CSMD1: variants seen among roughly 807,000 people sequenced by gnomAD.
CSMD1 encodes the protein CUB and sushi domain-containing protein 1.
Under a neutral mutation model 417.5 loss-of-function variants are expected in CSMD1, and 213 were observed. The observed-to-expected ratio is 0.51, with a 90% confidence interval of 0.46 to 0.57. The LOEUF is 0.57. Among genes scored for constraint, CSMD1 ranks in the 20% least tolerant of loss-of-function variants. The pLI is 0.00. For missense variants in CSMD1, 6,923 were observed against 4,529.7 expected (o/e 1.53, Z -15.17); for synonymous variants, 2,862 against 1,736.8 (o/e 1.65, Z -16.11).
intron 1 of CSMD1, among the ~76,000 whole-genome samples, chr8:4,917,646 T>TAGATG (rs1806159611): frequency 1.4e-5 from 1 of 70,730 alleles, no homozygotes; most frequent in African/African-American, 5.7e-5. Flanking sequence ...AATAAATAAA[T>TAGATG]AAATGAAATA....
chr8:3,300,469 G>C (rs944546744), intron 25 of CSMD1, among the ~76,000 whole-genome samples: 2 of 151,948 alleles, frequency 1.3e-5, no homozygotes, highest in African/African-American at 4.8e-5. Context: ...AATAGTTTTT[G>C]TTTTTATAGC....
At chr8:3,613,566 A>C (rs755523948) in intron 8 of CSMD1, among the ~76,000 whole-genome samples, 2 of 152,130 alleles carry the variant, frequency 1.3e-5, no homozygotes, top group Non-Finnish European at 2.9e-5. Flanking sequence ...TTACAAATTA[A>C]TATTATTTCA....
chr8:4,865,015 A>G (rs1187309472), intron 1 of CSMD1, among the ~76,000 whole-genome samples: 2 of 151,464 alleles, frequency 1.3e-5, no homozygotes, highest in Non-Finnish European at 3.0e-5. Flanking sequence ...TTAAATTTTA[A>G]AATTTTATTT....
chr8:4,194,465 C>T (rs145583651), intron 3 of CSMD1, among the ~76,000 whole-genome samples: 24 of 152,210 alleles, frequency 1.6e-4, no homozygotes, highest in Non-Finnish European at 2.8e-4. Flanking sequence ...ATTACAATAG[C>T]GCCCTGTCAC....
At chr8:2,975,900 G>A (rs1400744926) in intron 55 of CSMD1, among the ~76,000 whole-genome samples, 1 of 152,104 alleles carries the variant, frequency 6.6e-6, no homozygotes, top group Non-Finnish European at 1.5e-5. Flanking sequence ...GAGACTTGAG[G>A]AACATCAGCA....
chr8:4,323,553 T>C (rs558736694), intron 3 of CSMD1, among the ~76,000 whole-genome samples: 40 of 152,240 alleles, frequency 2.6e-4, no homozygotes, highest in African/African-American at 8.2e-4. Context: ...GTGATCTATA[T>C]TGGGTCATAT....
chr8:3,585,826 G>A (rs1284428178), intron 9 of CSMD1, among the ~76,000 whole-genome samples: 2 of 152,162 alleles, frequency 1.3e-5, no homozygotes, highest in East Asian at 3.9e-4. Flanking sequence ...AGGTCCAGCT[G>A]TGGGACATAT....
At chr8:3,382,444 A>ATT in intron 18 of CSMD1, among the ~76,000 whole-genome samples, 1 of 143,156 alleles carries the variant, frequency 7.0e-6, no homozygotes, top group African/African-American at 2.5e-5. Flanking sequence ...AATAACATAT[A>ATT]TAATATAATA....
intron 26 of CSMD1, among the ~76,000 whole-genome samples, chr8:3,283,693 C>T (rs935169509): frequency 6.6e-6 from 1 of 152,158 alleles, no homozygotes; most frequent in Non-Finnish European, 1.5e-5. Context: ...CAGAAGGACA[C>T]TCCCAGGATG....
At chr8:3,026,218 G>A (rs1023034492) in intron 51 of CSMD1, among the ~76,000 whole-genome samples, 1 of 152,116 alleles carries the variant, frequency 6.6e-6, no homozygotes, top group African/African-American at 2.4e-5. Context: ...AGAGGGCCAG[G>A]AGCTTAGTAT....
At chr8:4,318,237 G>A (rs188229520) in intron 3 of CSMD1, among the ~76,000 whole-genome samples, 1 of 152,032 alleles carries the variant, frequency 6.6e-6, no homozygotes, top group Non-Finnish European at 1.5e-5. Context: ...TTTTGTCACT[G>A]TAGAAAGAAA....
At chr8:3,433,137 G>A (rs531233657) in intron 12 of CSMD1, among the ~76,000 whole-genome samples, 3 of 152,298 alleles carry the variant, frequency 2.0e-5, no homozygotes, top group East Asian at 3.9e-4. Flanking sequence ...GTTGCATTTT[G>A]ATAAACATGG....
intron 22 of CSMD1, among the ~76,000 whole-genome samples, chr8:3,345,604 A>G (rs190312274): frequency 6.6e-5 from 10 of 152,284 alleles, no homozygotes; most frequent in Admixed American, 6.5e-4. Context: ...TTTTTCACCT[A>G]TAAGTAGCTA....
At position 3,971,377 on chromosome 8, in the gene CSMD1, C is replaced by G. The variant is rs183301883; in HGVS notation, c.818+26526G>C. ...TGTAATGTTCTGAAAATATAAATGA[C>G]GACTGTCCCTATTAAGTTTTTATAA... On this transcript the variant is annotated intron_variant, in intron 5 of 69. Transcript: ENST00000635120. Among the ~76,000 whole-genome samples the G allele has an allele frequency of 2.0e-5, 3 of 152,256 alleles. No individual in the cohort carries two copies. In the East Asian group the frequency reaches 5.8e-4, roughly 29 times the overall value.
intron 1 of CSMD1, among the ~76,000 whole-genome samples, chr8:4,962,116 T>C (rs1350725029): frequency 7.2e-5 from 1 of 13,806 alleles, no homozygotes; most frequent in Non-Finnish European, 1.3e-4. Flanking sequence ...TTTTTGTTGT[T>C]TTTTTTTTGT....
At chr8:4,923,186 T>C (rs75337725) in intron 1 of CSMD1, among the ~76,000 whole-genome samples, 1 of 152,190 alleles carries the variant, frequency 6.6e-6, no homozygotes, top group Non-Finnish European at 1.5e-5. Context: ...ATGACCACTG[T>C]CATTTTCTTT....
At chr8:4,597,706 T>C (rs1006522250) in intron 2 of CSMD1, among the ~76,000 whole-genome samples, 5 of 152,166 alleles carry the variant, frequency 3.3e-5, no homozygotes, top group African/African-American at 1.2e-4. Flanking sequence ...CTTTGGACCA[T>C]CATGTTATAT....
At chr8:4,444,516 T>C (rs2129732539) in intron 2 of CSMD1, among the ~76,000 whole-genome samples, 1 of 152,214 alleles carries the variant, frequency 6.6e-6, no homozygotes, top group Non-Finnish European at 1.5e-5. Flanking sequence ...AGACAAGTTT[T>C]TTTAGCCACG....
chr8:3,956,594 T>C (rs1239280912), intron 5 of CSMD1, among the ~76,000 whole-genome samples: 1 of 152,360 alleles, frequency 6.6e-6, no homozygotes, highest in Admixed American at 6.5e-5. Context: ...ATGTTTTGCA[T>C]ACATAATCAT....
Sources: allele counts gnomAD v4.1 joint callset (sites outside exome capture counted in the v4.1 genomes callset), GRCh38; gene constraint gnomAD v4.1.1; transcripts MANE v1.5; gene names NCBI Gene and HGNC (gene_info 2026-07-23, HGNC 2026-07-21).